DLG2: variants seen among roughly 807,000 people sequenced by gnomAD.
DLG2 encodes discs large MAGUK scaffold protein 2, also known as disks large homolog 2.
DLG2 carries 45 observed loss-of-function variants against 132.5 expected under a neutral mutation model. That is an observed-to-expected ratio of 0.34 (90% CI 0.27 to 0.44). The LOEUF is 0.44. Among genes scored for constraint, DLG2 ranks in the 20% least tolerant of loss-of-function variants. The pLI is 1.00. For synonymous variants in DLG2, 424 were observed against 419.6 expected (o/e 1.01, Z -0.13); for missense variants, 1,045 against 1,196.9 (o/e 0.87, Z 1.87).
chr11:84,102,153 C>T (rs2092582373), intron 9 of DLG2, among the ~76,000 whole-genome samples: 4 of 152,110 alleles, frequency 2.6e-5, no homozygotes, highest in African/African-American at 9.7e-5. Flanking sequence ...ATCACCCAAC[C>T]CTTCTCTAGA....
chr11:84,061,383 T>C (rs1566285139), intron 10 of DLG2, among the ~76,000 whole-genome samples: 1 of 152,182 alleles, frequency 6.6e-6, no homozygotes, highest in Non-Finnish European at 1.5e-5. Flanking sequence ...TATAATATTC[T>C]CAACTATTGG....
At chr11:84,210,482 C>T (rs1310869759) in intron 8 of DLG2, among the ~76,000 whole-genome samples, 7 of 145,254 alleles carry the variant, frequency 4.8e-5, no homozygotes, top group African/African-American at 1.8e-4. Context: ...CACATGTATA[C>T]ATATGTAACT....
chr11:85,145,544 G>GT (rs908563864), intron 5 of DLG2, among the ~76,000 whole-genome samples: 9 of 151,632 alleles, frequency 5.9e-5, no homozygotes, highest in South Asian at 2.1e-4. Context: ...CCCCATGGCT[G>GT]TTTTTTATAC....
At chr11:84,811,228 A>C (rs1405104410) in intron 6 of DLG2, among the ~76,000 whole-genome samples, 1 of 152,114 alleles carries the variant, frequency 6.6e-6, no homozygotes, top group Non-Finnish European at 1.5e-5. Flanking sequence ...TACTTCTTGT[A>C]GCTGATTCAA....
chr11:83,568,809 T>C (rs1398192930), intron 19 of DLG2, among the ~76,000 whole-genome samples: 4 of 152,186 alleles, frequency 2.6e-5, no homozygotes, highest in Admixed American at 1.3e-4. Flanking sequence ...TCAGAAAAGA[T>C]CATGGAAGGA....
intron 9 of DLG2, among the ~76,000 whole-genome samples, chr11:84,144,573 G>A (rs1566689948): frequency 1.3e-5 from 2 of 152,068 alleles, no homozygotes; most frequent in African/African-American, 2.4e-5. Context: ...GCAAAGCACA[G>A]GGATTATCTG....
At chr11:84,673,968 T>C (rs2099708752) in intron 6 of DLG2, among the ~76,000 whole-genome samples, 1 of 152,164 alleles carries the variant, frequency 6.6e-6, no homozygotes, top group African/African-American at 2.4e-5. Flanking sequence ...TCAGACTTAA[T>C]TAACTTTGGC....
intron 8 of DLG2, among the ~76,000 whole-genome samples, chr11:84,206,279 T>C (rs556693831): frequency 1.8e-4 from 28 of 152,212 alleles, no homozygotes; most frequent in African/African-American, 6.3e-4. Flanking sequence ...AGTAATTCCA[T>C]GTCCACATGG....
chr11:85,406,445 C>G (rs1342059317), intron 3 of DLG2, among the ~76,000 whole-genome samples: 1 of 144,452 alleles, frequency 6.9e-6, no homozygotes, highest in Non-Finnish European at 1.5e-5. Context: ...AAAGCACATT[C>G]AAAAGCATTG....
Position 84,641,558 on chromosome 11 carries a change from C to G in DLG2, c.358-106827G>C, listed in dbSNP as rs141726039. Among the ~76,000 whole-genome samples the G allele has an allele frequency of 2.0e-5, 3 of 152,186 alleles. No homozygotes were observed. In the East Asian group the frequency reaches 5.8e-4, roughly 30 times the overall value. ...TCAGCAACTCTGGGGTGCTCCAAACCTGGTGTTTTTCTGTATAGTAGCCTG... is the reference window on the plus strand; with the variant it reads ...TCAGCAACTCTGGGGTGCTCCAAACGTGGTGTTTTTCTGTATAGTAGCCTG... On this transcript the variant is annotated intron_variant, in intron 6 of 27. Coordinates refer to ENST00000376104, the MANE Select transcript of DLG2 (RefSeq NM_001142699.3).
At chr11:84,996,533 T>A (rs1296235265) in intron 6 of DLG2, among the ~76,000 whole-genome samples, 1 of 152,220 alleles carries the variant, frequency 6.6e-6, no homozygotes, top group Non-Finnish European at 1.5e-5. Context: ...TATGTTTACT[T>A]GTTTATTTGT....
At chr11:84,649,129 T>A (rs2099678526) in intron 6 of DLG2, among the ~76,000 whole-genome samples, 2 of 152,316 alleles carry the variant, frequency 1.3e-5, no homozygotes, top group Admixed American at 1.3e-4. Context: ...GGGCCATTTT[T>A]CTTTGCAGGT....
chr11:84,972,438 C>A (rs1010993746), intron 6 of DLG2, among the ~76,000 whole-genome samples: 8 of 152,210 alleles, frequency 5.3e-5, no homozygotes, highest in Non-Finnish European at 7.3e-5. Context: ...TTGTCTATTA[C>A]AAGTTGTTTC....
chr11:83,831,343 G>A (rs542890827), intron 17 of DLG2, among the ~76,000 whole-genome samples: 139 of 152,254 alleles, frequency 9.1e-4, no homozygotes, highest in African/African-American at 3.2e-3. Context: ...GGGACTATAC[G>A]CTGTATCTCC....
At chr11:84,312,300 C>T (rs1451475421) in intron 7 of DLG2, among the ~76,000 whole-genome samples, 1 of 152,126 alleles carries the variant, frequency 6.6e-6, no homozygotes, top group Non-Finnish European at 1.5e-5. Context: ...GAAACCCCAT[C>T]TCTAATAAAA....
intron 11 of DLG2, among the ~76,000 whole-genome samples, chr11:84,017,507 G>GAAGT (rs2095247640): frequency 6.6e-6 from 1 of 151,942 alleles, no homozygotes. Context: ...TAATCAAAGT[G>GAAGT]AAGTTTATAT....
chr11:84,951,836 G>C (rs774257230), intron 6 of DLG2, among the ~76,000 whole-genome samples: 75 of 151,966 alleles, frequency 4.9e-4, no homozygotes, highest in Admixed American at 8.5e-4. Context: ...AGATCATTCT[G>C]AAATATATAT....
At chr11:84,139,578 T>C (rs1004593376) in intron 9 of DLG2, among the ~76,000 whole-genome samples, 3 of 152,126 alleles carry the variant, frequency 2.0e-5, no homozygotes, top group African/African-American at 7.2e-5. Context: ...CTATTTTCTA[T>C]TTTTGGACTT....
At chr11:84,025,773 A>G (rs957936011) in intron 11 of DLG2, among the ~76,000 whole-genome samples, 2 of 152,118 alleles carry the variant, frequency 1.3e-5, no homozygotes, top group African/African-American at 2.4e-5. Context: ...ACCATATACC[A>G]TAACGTGGAA....
Sources: gnomAD v4.1 joint callset for allele counts (sites outside exome capture counted in the v4.1 genomes callset) on GRCh38, gnomAD v4.1.1 for gene constraint, MANE v1.5 for transcripts, NCBI Gene and HGNC (gene_info 2026-07-23, HGNC 2026-07-21) for gene names.